Variants in CMIP observed in about 807,000 individuals in gnomAD.
The protein encoded by CMIP is c-Maf inducing protein.
CMIP carries 13 observed loss-of-function variants against 97.3 expected under a neutral mutation model. The ratio of observed to expected loss-of-function variants is 0.13; its 90% CI spans 0.09 to 0.21. The LOEUF is 0.21. Among genes scored for constraint, CMIP ranks in the 10% least tolerant of loss-of-function variants. The pLI, the probability that CMIP is intolerant of heterozygous loss-of-function variation, is 1.00. For missense variants in CMIP, 847 were observed against 1,024.9 expected (o/e 0.83, Z 2.37); for synonymous variants, 538 against 436.3 (o/e 1.23, Z -2.91).
chr16:81,500,272 G>GTCCT (rs143054986), intron 1 of CMIP, among the ~76,000 whole-genome samples: 18,478 of 65,222 alleles, frequency 0.28, 3,324 homozygotes, highest in Middle Eastern at 0.38. Flanking sequence ...CCTTCCTTCC[G>GTCCT]TCCTTCCTTC....
At chr16:81,693,625 C>A in intron 13 of CMIP, 138 bp downstream of exon 13, 2 of 893,112 alleles carry the variant, frequency 2.2e-6, no homozygotes, top group African/African-American at 1.7e-5. Flanking sequence ...TGTGTATAAA[C>A]ACATCCCCGC....
chr16:81,554,950 G>A (rs2090731836), intron 1 of CMIP, among the ~76,000 whole-genome samples: 1 of 152,158 alleles, frequency 6.6e-6, no homozygotes, highest in Non-Finnish European at 1.5e-5. Flanking sequence ...AAGCTCCTAG[G>A]GATGCCCCCC....
chr16:81,543,369 A>G (rs931207394), intron 1 of CMIP, among the ~76,000 whole-genome samples: 9 of 152,100 alleles, frequency 5.9e-5, no homozygotes, highest in African/African-American at 2.4e-5. Flanking sequence ...AGAAACAATC[A>G]TACCCACCCC....
intron 1 of CMIP, among the ~76,000 whole-genome samples, chr16:81,445,917 G>C (rs1905807147): frequency 6.6e-6 from 1 of 150,650 alleles, no homozygotes; most frequent in Non-Finnish European, 1.5e-5. Flanking sequence ...GGCCCATCTG[G>C]ATCTGAGGGG....
At chr16:81,628,290 C>T (rs190946617) in intron 3 of CMIP, among the ~76,000 whole-genome samples, 2 of 152,280 alleles carry the variant, frequency 1.3e-5, no homozygotes, top group East Asian at 1.9e-4. Flanking sequence ...GCGCTTTCTC[C>T]ACCAGGCTGC....
intron 1 of CMIP, among the ~76,000 whole-genome samples, chr16:81,546,403 G>A (rs899621280): frequency 6.6e-6 from 1 of 152,192 alleles, no homozygotes; most frequent in Non-Finnish European, 1.5e-5. Context: ...AACTGGGCTG[G>A]AGGTGCACTC....
intron 18 of CMIP, among the ~76,000 whole-genome samples, chr16:81,705,008 C>A (rs1456256065): frequency 2.0e-5 from 3 of 152,050 alleles, no homozygotes; most frequent in Admixed American, 2.0e-4. Flanking sequence ...TGCTGAGTCC[C>A]AGCTCAGTGT....
intron 4 of CMIP, among the ~76,000 whole-genome samples, chr16:81,654,529 G>A (rs1261254979): frequency 6.6e-6 from 1 of 152,210 alleles, no homozygotes; most frequent in African/African-American, 2.4e-5. Context: ...CAAGGAGTCA[G>A]CATTACTCAC....
chr16:81,599,657 C>T (rs546686279), intron 1 of CMIP, among the ~76,000 whole-genome samples: 2 of 152,234 alleles, frequency 1.3e-5, no homozygotes, highest in East Asian at 3.9e-4. Flanking sequence ...TTTGGCATAA[C>T]AGAGGGATGG....
chr16:81,577,154 C>A (rs200689170), intron 1 of CMIP, among the ~76,000 whole-genome samples: 706 of 77,494 alleles, frequency 9.1e-3, no homozygotes, highest in South Asian at 0.024. Flanking sequence ...CCATCATCCC[C>A]ATTACCACTA....
chr16:81,701,590 G>A, intron 15 of CMIP, 70 bp from the exon 16 acceptor site: 1 of 1,606,996 alleles, frequency 6.2e-7, no homozygotes, highest in Non-Finnish European at 8.5e-7. Context: ...CAAGGCCCTT[G>A]GGGTGCACAG....
At chr16:81,472,844 G>A (rs936389328) in intron 1 of CMIP, among the ~76,000 whole-genome samples, 7 of 152,182 alleles carry the variant, frequency 4.6e-5, no homozygotes, top group Non-Finnish European at 1.0e-4. Flanking sequence ...GGGGCACATC[G>A]TGGCATCTGT....
intron 1 of CMIP, among the ~76,000 whole-genome samples, chr16:81,451,450 G>C (rs1341779157): frequency 6.6e-6 from 1 of 152,188 alleles, no homozygotes; most frequent in Admixed American, 6.5e-5. Context: ...TATCAGCAGC[G>C]TGGGAACGGA....
chr16:81,636,580 CAA>C (rs200195305), intron 3 of CMIP, among the ~76,000 whole-genome samples: 177 of 106,634 alleles, frequency 1.7e-3, no homozygotes, highest in East Asian at 3.5e-3. Flanking sequence ...AACTTCGTCT[CAA>C]AAAAAAAAAA....
intron 10 of CMIP, among the ~76,000 whole-genome samples, chr16:81,682,581 A>AC (rs1452634778): frequency 2.6e-5 from 4 of 151,974 alleles, no homozygotes; most frequent in African/African-American, 9.7e-5. Context: ...AAAAAAAAAA[A>AC]GATGACTTTA....
chr16:81,597,135 A>AAT (rs1462542865), intron 1 of CMIP, among the ~76,000 whole-genome samples: 10 of 152,198 alleles, frequency 6.6e-5, no homozygotes, highest in African/African-American at 2.4e-4. Context: ...TGGGAGCACA[A>AAT]ATATGGGCCT....
In CMIP at chr16:81,703,923, C is replaced by T. The variant is rs1369036864; in HGVS notation, c.1945-16C>T. On this transcript the variant is annotated splice_polypyrimidine_tract_variant and intron_variant, in intron 17 of 20. Transcript: ENST00000537098. ...TCCCAGCAGCACCCTCAGGCCTCTCCCCCGTCTGCCCGCAGGACGCTGACT... is the reference window on the plus strand; with the variant it reads ...TCCCAGCAGCACCCTCAGGCCTCTCTCCCGTCTGCCCGCAGGACGCTGACT... The T allele has an allele frequency of 1.9e-6, 3 of 1,586,700 alleles. No homozygotes were observed. Among genetic ancestry groups the T allele is most frequent in the Admixed American group, 3.5e-5 (2 of 57,888 alleles).
intron 1 of CMIP, among the ~76,000 whole-genome samples, chr16:81,482,524 C>T (rs1294273368): frequency 6.6e-6 from 1 of 152,092 alleles, no homozygotes; most frequent in East Asian, 1.9e-4. Flanking sequence ...AGTTGGTCAC[C>T]TGCTAAGTAG....
chr16:81,661,846 C>G (rs974158270), intron 6 of CMIP, among the ~76,000 whole-genome samples: 1 of 152,162 alleles, frequency 6.6e-6, no homozygotes, highest in African/African-American at 2.4e-5. Flanking sequence ...TGGAGTCTGC[C>G]TCCCTATCAG....
Sources: gnomAD v4.1 joint callset for allele counts (sites outside exome capture counted in the v4.1 genomes callset) on GRCh38, gnomAD v4.1.1 for gene constraint, MANE v1.5 for transcripts, NCBI Gene and HGNC (gene_info 2026-07-23, HGNC 2026-07-21) for gene names.